ALDH1A2: variants seen among roughly 807,000 people sequenced by gnomAD.
ALDH1A2 encodes the protein retinal dehydrogenase 2.
ALDH1A2 carries 27 observed loss-of-function variants against 60.3 expected under a neutral mutation model. The ratio of observed to expected loss-of-function variants is 0.45; its 90% CI spans 0.33 to 0.62. The LOEUF (loss-of-function observed/expected upper bound fraction) is 0.62, where lower values mean the gene tolerates loss of function less well. ALDH1A2 is among the 20% of genes least tolerant of loss of function. ALDH1A2 has a pLI of 0.02. For synonymous variants in ALDH1A2, 289 were observed against 232.4 expected (o/e 1.24, Z -2.21); for missense variants, 581 against 643.8 (o/e 0.90, Z 1.06).
intron 7 of ALDH1A2, 52 bp downstream of exon 7, chr15:57,992,653 C>T: frequency 1.3e-6 from 2 of 1,541,152 alleles, no homozygotes; most frequent in East Asian, 2.2e-5. Context: ...TTTGTAACCC[C>T]TCAACTCATT....
chr15:57,990,054 C>G (rs941083846), intron 7 of ALDH1A2, among the ~76,000 whole-genome samples: 4 of 149,664 alleles, frequency 2.7e-5, no homozygotes, highest in Admixed American at 2.7e-4. Flanking sequence ...CAGAAAAAGA[C>G]TAAAGGAGAA....
At chr15:57,992,001 T>C (rs1326855276) in intron 7 of ALDH1A2, among the ~76,000 whole-genome samples, 4 of 152,218 alleles carry the variant, frequency 2.6e-5, no homozygotes, top group Non-Finnish European at 5.9e-5. Context: ...TACCCTGCTG[T>C]TTTGGTATGG....
chr15:58,006,902 TGCC>T (rs200306824), intron 4 of ALDH1A2, among the ~76,000 whole-genome samples: 124 of 151,378 alleles, frequency 8.2e-4, no homozygotes, highest in African/African-American at 2.7e-3. Flanking sequence ...GTCTGTTTAG[TGCC>T]ACATTTTTCA....
At chr15:58,014,034 A>T in intron 2 of ALDH1A2, 36 bp from the exon 3 acceptor site, 1 of 1,614,010 alleles carries the variant, frequency 6.2e-7, no homozygotes, top group Non-Finnish European at 8.5e-7. Context: ...GAAGAAAAAC[A>T]CTCCAAATAA....
At chr15:58,000,253 A>G (rs1201540968) in intron 4 of ALDH1A2, among the ~76,000 whole-genome samples, 1 of 151,912 alleles carries the variant, frequency 6.6e-6, no homozygotes, top group Non-Finnish European at 1.5e-5. Context: ...TTTCACGTGG[A>G]TGGTGAAAGG....
rs1893702605 is a variant in ALDH1A2 at position 57,961,117 on chromosome 15, A to AAGAC, written c.1409+16_1409+19dup. On this transcript the variant is annotated intron_variant, in intron 11 of 12. Coordinates refer to ENST00000249750, the MANE Select transcript of ALDH1A2 (RefSeq NM_003888.4). Reference sequence around the variant, plus strand: ...CTATACCACCAGTGGAATTTGTTACAAGACTGACTCTGATCTTACCAAACA... The same window carrying AAGAC: ...CTATACCACCAGTGGAATTTGTTACAAGACAGACTGACTCTGATCTTACCAAACA... The AAGAC allele has an allele frequency of 1.2e-6, 2 of 1,613,594 alleles. No individual in the cohort carries two copies. Among genetic ancestry groups the AAGAC allele is most frequent in the Non-Finnish European group, 1.7e-6 (2 of 1,179,806 alleles).
At chr15:58,012,770 T>C (rs1226535696) in intron 3 of ALDH1A2, among the ~76,000 whole-genome samples, 1 of 152,052 alleles carries the variant, frequency 6.6e-6, no homozygotes, top group Non-Finnish European at 1.5e-5. Context: ...AGGGAAGAAC[T>C]ATGGTAGGAG....
intron 1 of ALDH1A2, among the ~76,000 whole-genome samples, chr15:58,026,338 C>T (rs1201883165): frequency 6.6e-6 from 1 of 152,122 alleles, no homozygotes. Flanking sequence ...ACCATATAAT[C>T]ATCTCAATAG....
At chr15:58,013,722 A>C (rs1379407569) in intron 3 of ALDH1A2, 136 bp downstream of exon 3, 1 of 1,232,926 alleles carries the variant, frequency 8.1e-7, no homozygotes. Flanking sequence ...ACTGCGCTCC[A>C]GCCTGGGCGA....
At chr15:57,955,828 T>C (rs996083976) in intron 12 of ALDH1A2, among the ~76,000 whole-genome samples, 2 of 152,232 alleles carry the variant, frequency 1.3e-5, no homozygotes, top group African/African-American at 2.4e-5. Flanking sequence ...CAGTGCTCCT[T>C]CTCCTCCACA....
chr15:57,963,092 C>G (rs541944633), intron 9 of ALDH1A2, among the ~76,000 whole-genome samples: 1 of 152,294 alleles, frequency 6.6e-6, no homozygotes, highest in South Asian at 2.1e-4. Context: ...ACTTCCTACA[C>G]TTTCACAAGC....
chr15:58,053,906 G>C (rs1033775618), intron 1 of ALDH1A2, among the ~76,000 whole-genome samples: 3 of 152,164 alleles, frequency 2.0e-5, no homozygotes, highest in Non-Finnish European at 4.4e-5. Context: ...TCTTTTAAGA[G>C]TACACCAATA....
intron 1 of ALDH1A2, among the ~76,000 whole-genome samples, chr15:58,044,902 G>C (rs116677590): frequency 0.014 from 2,074 of 151,998 alleles, 54 homozygotes; most frequent in African/African-American, 0.047. Flanking sequence ...AACAAAGTGA[G>C]TCCTTTTTCA....
intron 1 of ALDH1A2, 126 bp from the exon 2 acceptor site, chr15:58,014,407 G>T: frequency 1.2e-6 from 1 of 828,644 alleles, no homozygotes; most frequent in East Asian, 2.6e-5. Flanking sequence ...AATTTGAAGT[G>T]TTTTAAGAGA....
intron 5 of ALDH1A2, among the ~76,000 whole-genome samples, chr15:57,994,694 TA>T (rs1396746430): frequency 6.6e-6 from 1 of 152,130 alleles, no homozygotes; most frequent in Non-Finnish European, 1.5e-5. Context: ...AGAATGGGAT[TA>T]AAAGATCATA....
chr15:58,045,769 G>A (rs764853777), intron 1 of ALDH1A2, among the ~76,000 whole-genome samples: 4 of 151,900 alleles, frequency 2.6e-5, no homozygotes, highest in South Asian at 2.1e-4. Context: ...AGTATGGTAC[G>A]TGTATACCTA....
At chr15:58,031,115 G>C (rs1283416997) in intron 1 of ALDH1A2, among the ~76,000 whole-genome samples, 1 of 150,792 alleles carries the variant, frequency 6.6e-6, no homozygotes, top group Non-Finnish European at 1.5e-5. Context: ...CATGCTACCT[G>C]ACTTCAAGGC....
chr15:57,970,880 G>C (rs1894041281), intron 7 of ALDH1A2, among the ~76,000 whole-genome samples: 1 of 152,010 alleles, frequency 6.6e-6, no homozygotes, highest in Admixed American at 6.6e-5. Flanking sequence ...ATGCTTCCTG[G>C]TTCCAACTGT....
intron 7 of ALDH1A2, chr15:57,980,285 T>C (rs1894447173): frequency 5.0e-6 from 2 of 397,634 alleles, no homozygotes; most frequent in Non-Finnish European, 1.0e-5. Flanking sequence ...AAGAGACACC[T>C]GCATGTGCCT....
Sources: allele counts gnomAD v4.1 joint callset (sites outside exome capture counted in the v4.1 genomes callset), GRCh38; gene constraint gnomAD v4.1.1; transcripts MANE v1.5; gene names NCBI Gene and HGNC (gene_info 2026-07-23, HGNC 2026-07-21).